DGKH: variants seen among roughly 807,000 people sequenced by gnomAD.
DGKH encodes diacylglycerol kinase eta, also known as DAG kinase eta.
In DGKH, 90 loss-of-function variants were observed where a neutral mutation model predicts 159.3. The ratio of observed to expected loss-of-function variants is 0.57; its 90% CI spans 0.48 to 0.67. DGKH has a LOEUF of 0.67. Ranked by LOEUF, DGKH falls within the 30% of genes least tolerant of loss-of-function variation. DGKH has a pLI of 0.00. For missense variants in DGKH, 1,181 were observed against 1,506.1 expected (o/e 0.78, Z 3.57); for synonymous variants, 536 against 553.8 (o/e 0.97, Z 0.45).
rs1439444833 is a variant in DGKH at position 42,207,058 on chromosome 13, CTTCCTTCTTTCTTTCTTTCTTTCT to C, written c.2601+916_2601+939del. Among the ~76,000 whole-genome samples the C allele has an allele frequency of 9.7e-4, 27 of 27,902 alleles. 1 individual carries two copies. The highest frequency in any genetic ancestry group is 2.8e-3 in the African/African-American group (24 of 8,468). The allele number at this position is 27,902 out of a possible 152,430, so 18.3% of individuals were successfully genotyped here. A position where few individuals can be genotyped will look rare whatever the true frequency, so the allele number is the denominator to read the frequency against. On this transcript the variant is annotated intron_variant, in intron 21 of 29. Transcript: ENST00000337343. Reference sequence around the variant, plus strand: ...CTTTCTTTCCTTCTTTCCTTCTTTCCTTCCTTCTTTCTTTCTTTCTTTCTTTCTTTCTTTCTTTCTTTCTTTCTT... The same window carrying C: ...CTTTCTTTCCTTCTTTCCTTCTTTCCTTCTTTCTTTCTTTCTTTCTTTCTT...
rs980585056 is a variant in DGKH, at chr13:42,242,784, C to G, written c.*13596C>G. ...AGTCACTGACGTGTGTATTTTTGTA[C>G]TTTGCTGAAAGTAATGGTTGATCCT... On this transcript the variant is annotated 3_prime_UTR_variant, in exon 30 of 30. Transcript: ENST00000337343. 6.6e-6 allele frequency: 1 copy of G among 152,114 alleles called. No individual in the cohort carries two copies. The highest frequency in any genetic ancestry group is 1.5e-5 in the Non-Finnish European group (1 of 68,020). 9.4% of individuals were successfully genotyped at this position (152,114 alleles called of 1,614,324 possible).
At chr13:42,221,513 C>G (rs1407920772) in intron 29 of DGKH, 119 bp downstream of exon 29, 1 of 1,249,860 alleles carries the variant, frequency 8.0e-7, no homozygotes. Flanking sequence ...GTGTAGTAAC[C>G]TAACATTCAC....
intron 3 of DGKH, among the ~76,000 whole-genome samples, chr13:42,145,752 C>T (rs925685908): frequency 4.6e-5 from 7 of 152,170 alleles, no homozygotes; most frequent in Non-Finnish European, 1.0e-4. Context: ...GATGCTTTGA[C>T]ATACTTCATT....
intron 1 of DGKH, among the ~76,000 whole-genome samples, chr13:42,082,660 T>G (rs1954222261): frequency 6.6e-6 from 1 of 152,212 alleles, no homozygotes; most frequent in Non-Finnish European, 1.5e-5. Flanking sequence ...GTCAGTATTT[T>G]CAAGTCACCA....
exon 31 of DGKH, chr13:42,256,542 A>G: frequency 1.3e-6 from 1 of 751,126 alleles, no homozygotes; most frequent in East Asian, 2.6e-5. Context: ...TGATTTAAGT[A>G]AATTTATAAT....
In DGKH at chr13:42,049,000, G is replaced by T. The variant is rs201258403; in HGVS notation, c.192+35G>T. The T allele has an allele frequency of 8.0e-4, 1,004 of 1,257,994 alleles. 10 individuals are homozygous for T. In the African/African-American group the frequency reaches 0.013, roughly 17 times the overall value. 77.9% of individuals were successfully genotyped at this position (1,257,994 alleles called of 1,614,324 possible). A position where few individuals can be genotyped will look rare whatever the true frequency, so the allele number is the denominator to read the frequency against. On this transcript the variant is annotated intron_variant, in intron 1 of 29. Transcript: ENST00000337343. The surrounding 1 kb of genome is among the most constrained non-coding windows in gnomAD (Gnocchi z 6.7). ...AGGAGGCGGGCCTGAGGGCCGCGTG[G>T]AAAGCGGGAGGTGGAGAGGGCGCGG...
chr13:42,252,421 A>T (rs1958627078), exon 30 of DGKH: 1 of 152,156 alleles, frequency 6.6e-6, no homozygotes, highest in Non-Finnish European at 1.5e-5. Flanking sequence ...GATATATATG[A>T]GTTCAAGATG....
intron 1 of DGKH, among the ~76,000 whole-genome samples, chr13:42,093,925 T>G (rs904196774): frequency 6.6e-6 from 1 of 151,996 alleles, no homozygotes; most frequent in African/African-American, 2.4e-5. Flanking sequence ...TTCTGGAGAT[T>G]GGTTGCACAA....
chr13:42,245,815 C>A (rs183929671), downstream of DGKH, among the ~76,000 whole-genome samples: 1 of 152,214 alleles, frequency 6.6e-6, no homozygotes, highest in Non-Finnish European at 1.5e-5. Flanking sequence ...GAACCCCTGA[C>A]CTCATGATCC....
chr13:42,189,036 T>C lies in DGKH; in HGVS notation c.1639T>C (p.Cys547Arg). ...AVVADAVASK[C>R]SVLNEKLEQL... is the part of the protein sequence containing the mutation. ...TCTCATTGCCATATTTTCCTCTCAGTGTTCAGTCCTAAACGAGAAGCTCGA... is the reference window on the plus strand; with the variant it reads ...TCTCATTGCCATATTTTCCTCTCAGCGTTCAGTCCTAAACGAGAAGCTCGA... The change falls in exon 15 of 30, where the codon TGT becomes CGT. Residue 547 changes from cysteine to arginine, a missense_variant and splice_region_variant. Transcript: ENST00000337343. The C allele has an allele frequency of 6.2e-7, 1 of 1,610,432 alleles. No homozygotes were observed. The highest frequency in any genetic ancestry group is 8.5e-7 in the Non-Finnish European group (1 of 1,177,446).
intron 3 of DGKH, among the ~76,000 whole-genome samples, chr13:42,143,894 T>C (rs995184799): frequency 6.6e-6 from 1 of 152,228 alleles, no homozygotes; most frequent in Admixed American, 6.5e-5. Flanking sequence ...TGTGTCTCTA[T>C]TTCCTTTAGT....
intron 1 of DGKH, among the ~76,000 whole-genome samples, chr13:42,080,159 T>A (rs1234496412): frequency 2.0e-5 from 3 of 152,242 alleles, no homozygotes; most frequent in African/African-American, 7.2e-5. Flanking sequence ...CTTAACATGG[T>A]AATTTAGATT....
chr13:42,069,542 C>T (rs1446713759), intron 1 of DGKH: 1 of 1,596,062 alleles, frequency 6.3e-7, no homozygotes, highest in African/African-American at 1.3e-5. Flanking sequence ...TTTTCCCTTT[C>T]TTTTCCAGCC....
rs528512961 is a variant in DGKH at position 42,242,509 on chromosome 13, C to A, written c.*13321C>A. 6.6e-6 allele frequency: 1 copy of A among 152,080 alleles called. No individual in the cohort carries two copies. Among genetic ancestry groups the A allele is most frequent in the East Asian group, 1.9e-4 (1 of 5,200 alleles). 9.4% of individuals were successfully genotyped at this position (152,080 alleles called of 1,614,324 possible). A position where few individuals can be genotyped will look rare whatever the true frequency, so the allele number is the denominator to read the frequency against. The stretch of plus-strand genomic sequence containing the variant: ...ATTACTTTTAGTAATGGTAAGACAA[C>A]GTGAGTTTTGTTTGTTTACATGCTG... On this transcript the variant is annotated 3_prime_UTR_variant, in exon 30 of 30. Coordinates refer to ENST00000337343, the MANE Select transcript of DGKH (RefSeq NM_178009.5).
chr13:42,066,255 A>AAC (rs1882569086), intron 1 of DGKH: 1 of 152,208 alleles, frequency 6.6e-6, no homozygotes, highest in Non-Finnish European at 1.5e-5. Context: ...TATTCATAGG[A>AAC]GCCAAAAAGT....
Position 42,206,111 on chromosome 13 carries a change from G to T in DGKH, c.2566G>T (p.Gly856Cys). 6.9e-7 allele frequency: 1 copy of T among 1,458,008 alleles called. No homozygotes were observed. Among genetic ancestry groups the T allele is most frequent in the Non-Finnish European group, 9.1e-7 (1 of 1,096,856 alleles). The allele number at this position is 1,458,008 out of a possible 1,614,324, so 90.3% of individuals were successfully genotyped here. ...GTTGAACATTCCCAGCTATGCTGGA[G>T]GCACTAACTTTTGGGGTGGAACTAA... ...AVLNIPSYAG[G>C]TNFWGGTKED... Residue 856 changes from glycine to cysteine, a missense_variant, in exon 21 of 30, where the codon GGC becomes TGC. Around this residue, in one of 5 missense-constraint regions of DGKH, gnomAD observed 335 missense variants for 495.2 expected, o/e 0.68. Coordinates refer to ENST00000337343, the MANE Select transcript of DGKH (RefSeq NM_178009.5).
chr13:42,132,942 G>A (rs759927658), intron 3 of DGKH, among the ~76,000 whole-genome samples: 208 of 152,214 alleles, frequency 1.4e-3, no homozygotes, highest in Non-Finnish European at 9.6e-4. Flanking sequence ...GCTGAGGTGG[G>A]CAGATCATGA....
intron 1 of DGKH, among the ~76,000 whole-genome samples, chr13:42,101,140 C>T (rs1483561660): frequency 2.0e-5 from 3 of 152,184 alleles, no homozygotes; most frequent in African/African-American, 7.2e-5. Context: ...TGTCTCCTTC[C>T]TTCTGCAATG....
intron 26 of DGKH, among the ~76,000 whole-genome samples, chr13:42,217,442 T>C (rs908540324): frequency 3.3e-5 from 5 of 151,774 alleles, no homozygotes; most frequent in African/African-American, 1.2e-4. Context: ...AGAATTTCAC[T>C]ATGTTGGCCA....
Sources: gnomAD v4.1 joint callset for allele counts (sites outside exome capture counted in the v4.1 genomes callset) on GRCh38, gnomAD v4.1.1 for gene constraint, gnomAD v4.1.1 regional missense constraint, Gnocchi (gnomAD v3.1) non-coding constraint, MANE v1.5 for transcripts, NCBI Gene and HGNC (gene_info 2026-07-23, HGNC 2026-07-21) for gene names.